GUCY1A1: variants seen among roughly 807,000 people sequenced by gnomAD.
The protein encoded by GUCY1A1 is guanylate cyclase soluble subunit alpha-1.
GUCY1A1 carries 48 observed loss-of-function variants against 64.5 expected under a neutral mutation model. The observed-to-expected ratio is 0.74, with a 90% CI of 0.59 to 0.95. The LOEUF (loss-of-function observed/expected upper bound fraction) is 0.95. Among genes scored for constraint, GUCY1A1 ranks in the 40% least tolerant of loss-of-function variants. The pLI, the probability that GUCY1A1 is intolerant of heterozygous loss-of-function variation, is 0.00. For missense variants in GUCY1A1, 804 were observed against 825.3 expected, an observed-to-expected ratio of 0.97 and a Z score of 0.32; for synonymous variants, 308 against 303.4, an observed-to-expected ratio of 1.02 and a Z score of -0.16.
intron 2 of GUCY1A1, among the ~76,000 whole-genome samples, chr4:155,671,910 A>G (rs1165143934): frequency 6.6e-6 from 1 of 152,054 alleles, no homozygotes; most frequent in East Asian, 1.9e-4. Flanking sequence ...TTTTTATTAA[A>G]GTGTGATCCC....
chr4:155,719,463 TCTC>T (rs1481216600), intron 8 of GUCY1A1, among the ~76,000 whole-genome samples: 1 of 152,078 alleles, frequency 6.6e-6, no homozygotes. Flanking sequence ...AGCAGTCAAG[TCTC>T]CTATGTGTCA....
At chr4:155,712,899 A>G (rs927699449) in intron 6 of GUCY1A1, among the ~76,000 whole-genome samples, 199 bp from the exon 7 acceptor site, 13 of 152,228 alleles carry the variant, frequency 8.5e-5, no homozygotes, top group African/African-American at 3.1e-4. Flanking sequence ...TTCTGTGTAG[A>G]GTATACTCTA....
intron 2 of GUCY1A1, among the ~76,000 whole-genome samples, chr4:155,685,429 A>C (rs1244440159): frequency 6.6e-6 from 1 of 152,072 alleles, no homozygotes; most frequent in Admixed American, 6.5e-5. Context: ...ATAAAAGTTT[A>C]TTTATGGACA....
chr4:155,725,759 C>T (rs938772795), intron 9 of GUCY1A1, among the ~76,000 whole-genome samples: 1 of 151,962 alleles, frequency 6.6e-6, no homozygotes, highest in African/African-American at 2.4e-5. Flanking sequence ...CAGAGGACCA[C>T]AACATGTTGA....
At chr4:155,699,259 T>G (rs944082495) in intron 3 of GUCY1A1, among the ~76,000 whole-genome samples, 1 of 152,068 alleles carries the variant, frequency 6.6e-6, no homozygotes, top group Non-Finnish European at 1.5e-5. Context: ...TCAAACATTT[T>G]CTATGGATGT....
chr4:155,717,557 T>C (rs957677609), intron 8 of GUCY1A1, among the ~76,000 whole-genome samples: 1 of 152,130 alleles, frequency 6.6e-6, no homozygotes, highest in Non-Finnish European at 1.5e-5. Flanking sequence ...TTTCCCATAG[T>C]ATAGGGATTT....
intron 3 of GUCY1A1, among the ~76,000 whole-genome samples, chr4:155,703,641 T>C (rs192972718): frequency 1.3e-5 from 2 of 152,262 alleles, no homozygotes; most frequent in African/African-American, 4.8e-5. Flanking sequence ...CACACTCAGC[T>C]CAACTATTCT....
rs1412141620 is a variant in GUCY1A1, at chr4:155,735,474, A to G, written c.*5243A>G. 6.6e-6 allele frequency: 1 copy of G among 151,974 alleles called. No individual in the cohort carries two copies. Among genetic ancestry groups the G allele is most frequent in the Non-Finnish European group, 1.5e-5 (1 of 67,938 alleles). The allele number at this position is 151,974 out of a possible 1,614,324, so 9.4% of individuals were successfully genotyped here. ...ACAAAATTTAAATGTCATATCCAGG[A>G]CTTAATCTCAGATATTCTGGTAGAA... On this transcript the variant is annotated 3_prime_UTR_variant, in exon 10 of 10. Coordinates refer to ENST00000506455, the MANE Select transcript of GUCY1A1 (RefSeq NM_001130682.3).
At position 155,713,635 on chromosome 4, in the gene GUCY1A1, C is replaced by A. The variant is rs765501155; in HGVS notation, c.1572+52C>A. ...TTTTACCAGCAAACTCACTGGGGAACAAGCACTGTGCCTAGGACCTGAATT... is the reference window on the plus strand; with the variant it reads ...TTTTACCAGCAAACTCACTGGGGAAAAAGCACTGTGCCTAGGACCTGAATT... On this transcript the variant is annotated intron_variant, in intron 7 of 9. Coordinates refer to ENST00000506455, the MANE Select transcript of GUCY1A1 (RefSeq NM_001130682.3). 4.4e-6 allele frequency: 7 copies of A among 1,577,572 alleles called. No individual in the cohort carries two copies. The African/African-American group carries it at 5.4e-5, about 12-fold the overall frequency.
intron 5 of GUCY1A1, among the ~76,000 whole-genome samples, chr4:155,708,641 A>G (rs1476836302): frequency 2.6e-5 from 4 of 152,186 alleles, no homozygotes; most frequent in Non-Finnish European, 5.9e-5. Flanking sequence ...AAAGGTTAGG[A>G]GCAGTCATGG....
At chr4:155,674,093 C>T (rs571404317) in intron 2 of GUCY1A1, among the ~76,000 whole-genome samples, 5 of 148,376 alleles carry the variant, frequency 3.4e-5, no homozygotes, top group African/African-American at 1.1e-4. Flanking sequence ...TGGTGGCTCA[C>T]GCCTGTAATC....
chr4:155,711,841 G>A (rs1732609387), intron 6 of GUCY1A1, among the ~76,000 whole-genome samples: 1 of 152,136 alleles, frequency 6.6e-6, no homozygotes, highest in Non-Finnish European at 1.5e-5. Flanking sequence ...AACTTTAACA[G>A]AAGCACCATT....
chr4:155,675,693 G>A (rs1472383335), intron 2 of GUCY1A1, among the ~76,000 whole-genome samples: 3 of 151,474 alleles, frequency 2.0e-5, no homozygotes, highest in Non-Finnish European at 4.4e-5. Flanking sequence ...TTCATCTTAT[G>A]CTAACAAAAA....
At chr4:155,691,775 A>G (rs1025668243) in intron 2 of GUCY1A1, among the ~76,000 whole-genome samples, 1 of 151,926 alleles carries the variant, frequency 6.6e-6, no homozygotes, top group Admixed American at 6.5e-5. Context: ...ACTTTTTTCG[A>G]TTTTTTTATT....
intron 7 of GUCY1A1, among the ~76,000 whole-genome samples, chr4:155,714,088 G>T (rs767139434): frequency 1.4e-4 from 21 of 152,090 alleles, no homozygotes; most frequent in Non-Finnish European, 2.6e-4. Context: ...ACTTTTCATG[G>T]CCAGTTAACA....
chr4:155,703,887 T>C, intron 3 of GUCY1A1, 45 bp from the exon 4 acceptor site: 1 of 1,207,070 alleles, frequency 8.3e-7, no homozygotes. Flanking sequence ...TCCAAACAAA[T>C]TATTATATAA....
At chr4:155,698,126 G>T (rs879753437) in intron 3 of GUCY1A1, among the ~76,000 whole-genome samples, 34 of 152,318 alleles carry the variant, frequency 2.2e-4, no homozygotes, top group African/African-American at 6.7e-4. Flanking sequence ...TGCTAGGGAA[G>T]TTCAGTGACT....
chr4:155,715,789 T>A (rs746650483), intron 7 of GUCY1A1, among the ~76,000 whole-genome samples: 4 of 152,130 alleles, frequency 2.6e-5, no homozygotes, highest in Non-Finnish European at 5.9e-5. Context: ...ACAGGTAATG[T>A]AGGAGTCAAT....
rs1252781149 is a variant in GUCY1A1 at position 155,733,078 on chromosome 4, A to G, written c.*2847A>G. ...GTATATTTAAGAAAACCTAAATAAG[A>G]ATAGATTCATTTACTCATTTTCATT... On this transcript the variant is annotated 3_prime_UTR_variant, in exon 10 of 10. Coordinates refer to ENST00000506455, the MANE Select transcript of GUCY1A1 (RefSeq NM_001130682.3). Among the ~76,000 whole-genome samples the G allele has an allele frequency of 6.6e-6, 1 of 151,900 alleles. No individual in the cohort carries two copies. Among genetic ancestry groups the G allele is most frequent in the Non-Finnish European group, 1.5e-5 (1 of 67,898 alleles).
Sources: allele counts gnomAD v4.1 joint callset (sites outside exome capture counted in the v4.1 genomes callset), GRCh38; gene constraint gnomAD v4.1.1; transcripts MANE v1.5; gene names NCBI Gene and HGNC (gene_info 2026-07-23, HGNC 2026-07-21).